GPC5: variants seen among roughly 807,000 people sequenced by gnomAD.
GPC5 encodes glypican-5.
In GPC5, 47 loss-of-function variants were observed where a neutral mutation model predicts 53.9. That is an observed-to-expected ratio of 0.87 (90% confidence interval 0.69 to 1.11). The LOEUF (loss-of-function observed/expected upper bound fraction) is 1.11. Ranked by LOEUF, GPC5 falls within the 50% of genes most tolerant of loss-of-function variation. The pLI is 0.00. For synonymous variants in GPC5, 286 were observed against 263.3 expected, an observed-to-expected ratio of 1.09 and a Z score of -0.84; for missense variants, 748 against 713.1, an observed-to-expected ratio of 1.05 and a Z score of -0.56.
chr13:92,394,241 G>T (rs183381229), intron 7 of GPC5, among the ~76,000 whole-genome samples: 31 of 152,184 alleles, frequency 2.0e-4, no homozygotes, highest in African/African-American at 7.2e-4. Context: ...TACTAAAATT[G>T]TTCATTTGTT....
intron 7 of GPC5, among the ~76,000 whole-genome samples, chr13:92,621,847 C>T (rs1884880456): frequency 6.6e-6 from 1 of 152,092 alleles, no homozygotes; most frequent in Non-Finnish European, 1.5e-5. Context: ...TTTCTGCACT[C>T]TCCAGCTCAA....
At chr13:92,422,339 T>C (rs1876603311) in intron 7 of GPC5, among the ~76,000 whole-genome samples, 1 of 152,132 alleles carries the variant, frequency 6.6e-6, no homozygotes, top group Non-Finnish European at 1.5e-5. Context: ...GTTTTCCGAA[T>C]AGTCTTCCAA....
intron 7 of GPC5, among the ~76,000 whole-genome samples, chr13:92,549,842 TA>T (rs1451767874): frequency 6.7e-6 from 1 of 150,362 alleles, no homozygotes; most frequent in African/African-American, 2.4e-5. Context: ...GACAAGAAGG[TA>T]GGGGTAAAAG....
intron 5 of GPC5, among the ~76,000 whole-genome samples, chr13:91,790,347 G>A (rs1240213400): frequency 1.3e-5 from 2 of 152,148 alleles, no homozygotes; most frequent in Non-Finnish European, 2.9e-5. Context: ...TCTCAGAATA[G>A]TATTTTAGAT....
chr13:91,610,098 C>T (rs2033502482), intron 2 of GPC5, among the ~76,000 whole-genome samples: 1 of 152,184 alleles, frequency 6.6e-6, no homozygotes, highest in Non-Finnish European at 1.5e-5. Flanking sequence ...CAAAGATTTA[C>T]TTTTGGTATA....
chr13:91,675,794 C>T (rs559349608), intron 2 of GPC5, among the ~76,000 whole-genome samples: 1 of 152,148 alleles, frequency 6.6e-6, no homozygotes, highest in South Asian at 2.1e-4. Context: ...AGCATCAGCT[C>T]CATGTGTGAT....
At chr13:92,065,404 A>G (rs149069571) in intron 6 of GPC5, among the ~76,000 whole-genome samples, 2 of 152,174 alleles carry the variant, frequency 1.3e-5, no homozygotes, top group Non-Finnish European at 2.9e-5. Context: ...GTATACTTGG[A>G]TATAAAAATA....
At chr13:92,286,802 T>G (rs1222925092) in intron 7 of GPC5, among the ~76,000 whole-genome samples, 1 of 151,852 alleles carries the variant, frequency 6.6e-6, no homozygotes, top group Non-Finnish European at 1.5e-5. Context: ...AGTTAATGGG[T>G]GCAGCACACC....
At chr13:91,436,245 C>A (rs886795628) in intron 1 of GPC5, among the ~76,000 whole-genome samples, 34 of 152,002 alleles carry the variant, frequency 2.2e-4, no homozygotes, top group Admixed American at 2.2e-3. Flanking sequence ...AATGTGTTTG[C>A]TCTTGCTTCT....
At chr13:91,997,079 G>A (rs1192108589) in intron 6 of GPC5, among the ~76,000 whole-genome samples, 1 of 151,986 alleles carries the variant, frequency 6.6e-6, no homozygotes, top group Non-Finnish European at 1.5e-5. Context: ...TGGTACATGT[G>A]AAGACACATT....
chr13:91,544,408 T>A (rs1459704799), intron 2 of GPC5, among the ~76,000 whole-genome samples: 9 of 152,222 alleles, frequency 5.9e-5, no homozygotes, highest in Non-Finnish European at 1.2e-4. Context: ...GTGGGCAGTT[T>A]GACTTTTGCT....
At chr13:91,722,800 C>T (rs2036501156) in intron 3 of GPC5, among the ~76,000 whole-genome samples, 1 of 152,150 alleles carries the variant, frequency 6.6e-6, no homozygotes, top group African/African-American at 2.4e-5. Context: ...ATAGCATAAA[C>T]ATACCTCTAA....
intron 1 of GPC5, among the ~76,000 whole-genome samples, chr13:91,412,758 T>C (rs941836562): frequency 1.3e-5 from 2 of 152,192 alleles, no homozygotes; most frequent in African/African-American, 4.8e-5. Flanking sequence ...AAAAGAAGGC[T>C]GATAAAGACT....
At chr13:92,371,415 T>C (rs150421670) in intron 7 of GPC5, among the ~76,000 whole-genome samples, 32 of 152,290 alleles carry the variant, frequency 2.1e-4, no homozygotes, top group African/African-American at 7.5e-4. Context: ...AGTGTAATCA[T>C]ATGGGCTTGT....
intron 2 of GPC5, among the ~76,000 whole-genome samples, chr13:91,632,351 C>T (rs569371391): frequency 6.6e-6 from 1 of 152,108 alleles, no homozygotes; most frequent in African/African-American, 2.4e-5. Context: ...AGGGAAGGGA[C>T]ATGAGCAAGA....
intron 3 of GPC5, among the ~76,000 whole-genome samples, chr13:91,698,010 T>G (rs184411908): frequency 1.3e-3 from 201 of 151,680 alleles, no homozygotes; most frequent in Admixed American, 2.3e-3. Flanking sequence ...CAAGCAATTC[T>G]CCTGCCTCAG....
chr13:92,635,343 G>A (rs1885377868), intron 7 of GPC5, among the ~76,000 whole-genome samples: 1 of 152,050 alleles, frequency 6.6e-6, no homozygotes. Context: ...TTAAAAAACA[G>A]AAATTTATTG....
chr13:91,518,425 G>T (rs186204975), intron 2 of GPC5, among the ~76,000 whole-genome samples: 1 of 151,920 alleles, frequency 6.6e-6, no homozygotes, highest in Non-Finnish European at 1.5e-5. Context: ...ATGACAATTC[G>T]TATTTAAATA....
At position 92,628,264 on chromosome 13, in the gene GPC5, C is replaced by CTTTTTTTTTTTTTTTTTT. The variant is rs71123419; in HGVS notation, c.1562-238006_1562-237989dup. On this transcript the variant is annotated intron_variant, in intron 7 of 7. Coordinates refer to ENST00000377067, the MANE Select transcript of GPC5 (RefSeq NM_004466.6). ...TTTTCTTTTCTTTTTCTTTTTCTTT[C>CTTTTTTTTTTTTTTTTTT]TTTTTTTTTTTTTTTTTTTTTTTTT... is the stretch of plus-strand genomic sequence containing the variant. 3.9e-3 allele frequency among the ~76,000 whole-genome samples: 175 copies of CTTTTTTTTTTTTTTTTTT among 45,350 alleles called. 33 individuals carry two copies. Among genetic ancestry groups the CTTTTTTTTTTTTTTTTTT allele is most frequent in the Non-Finnish European group, 4.3e-3 (99 of 23,124 alleles). The allele number at this position is 45,350 out of a possible 152,430, so 29.8% of individuals were successfully genotyped here. A position where few individuals can be genotyped will look rare whatever the true frequency, so the allele number is the denominator to read the frequency against.
Sources: gnomAD v4.1 joint callset for allele counts (sites outside exome capture counted in the v4.1 genomes callset) on GRCh38, gnomAD v4.1.1 for gene constraint, MANE v1.5 for transcripts, NCBI Gene and HGNC (gene_info 2026-07-23, HGNC 2026-07-21) for gene names.